Variants in CCDC190 observed in about 807,000 individuals in gnomAD.
CCDC190 encodes coiled-coil domain-containing protein 190.
In CCDC190, 10 loss-of-function variants were observed where a neutral mutation model predicts 13.1. The ratio of observed to expected loss-of-function variants is 0.77; its 90% CI spans 0.47 to 1.30. The LOEUF is 1.30. CCDC190 is among the 50% of genes most tolerant of loss of function. The probability of loss-of-function intolerance (pLI) is 0.00; values close to 1 mark genes in which losing one functional copy is unlikely to be tolerated. For synonymous variants in CCDC190, 136 were observed against 127.2 expected, an observed-to-expected ratio of 1.07 and a Z score of -0.47; for missense variants, 375 against 354.3, an observed-to-expected ratio of 1.06 and a Z score of -0.47.
Position 162,859,476 on chromosome 1 carries a change from CA to C in CCDC190, c.170del (p.Leu57ArgfsTer9), listed in dbSNP as rs2102262069. On this transcript the variant is annotated frameshift_variant, in exon 2 of 4. Coordinates refer to ENST00000367912, the MANE Select transcript of CCDC190 (RefSeq NM_001394065.1). LOFTEE classifies it high-confidence loss of function. Reference sequence around the variant, plus strand: ...AAGTCTTACCTTGCTGCAACCTCTGCAGTTCTTTTTGGAGCTGCCTCTGCTC... The same window carrying C: ...AAGTCTTACCTTGCTGCAACCTCTGCGTTCTTTTTGGAGCTGCCTCTGCTC... ...TWEQRQLQKE[L>X]QRLQQETMKK... 1.9e-6 allele frequency: 3 copies of C among 1,613,366 alleles called. No homozygotes were observed. The South Asian group carries it at 3.3e-5, about 18-fold the overall frequency.
In CCDC190 at chr1:162,854,963, G is replaced by C. The variant is rs201168794; in HGVS notation, c.708C>G (p.Phe236Leu). Residue 236 changes from phenylalanine (F) to leucine (L), a missense_variant, in exon 4 of 4, where the codon TTC (phenylalanine) becomes TTG (leucine). Phe to Leu is a conservative substitution (Grantham distance 22, BLOSUM62 0). Coordinates refer to ENST00000367912, the MANE Select transcript of CCDC190 (RefSeq NM_001394065.1). The stretch of plus-strand genomic sequence containing the variant: ...AGGTTGGCTTTGTGAACTCGCCTTC[G>C]AAGCTTCCTGCACATTCCATGTGTT... ...PPKHMECAGS[F>L]EGEFTKPTFL... is the part of the protein sequence containing the mutation. 1 of 1,613,984 alleles carries C rather than the reference G, an allele frequency of 6.2e-7. No homozygotes were observed. The highest frequency in any genetic ancestry group is 1.1e-5 in the South Asian group (1 of 91,084).
chr1:162,853,013 TTAAG>T lies in CCDC190; in HGVS notation c.*1748_*1751del. Reference sequence around the variant, plus strand: ...CCCAGGCATGGCTGGTGCAAATAAATTAAGTTTTTGTGAATCAATCAGTTCTGTC... The same window carrying T: ...CCCAGGCATGGCTGGTGCAAATAAATTTTTTGTGAATCAATCAGTTCTGTC... On this transcript the variant is annotated 3_prime_UTR_variant, in exon 4 of 4. Coordinates refer to ENST00000367912, the MANE Select transcript of CCDC190 (RefSeq NM_001394065.1). The T allele has an allele frequency of 9.2e-7, 1 of 1,082,860 alleles. No individual in the cohort carries two copies. The highest frequency in any genetic ancestry group is 1.4e-6 in the Non-Finnish European group (1 of 724,804). 67.1% of individuals were successfully genotyped at this position (1,082,860 alleles called of 1,614,324 possible). A position where few individuals can be genotyped will look rare whatever the true frequency, so the allele number is the denominator to read the frequency against.
chr1:162,854,084 C>T lies in CCDC190; in HGVS notation c.*681G>A, dbSNP rs1251409384. On this transcript the variant is annotated 3_prime_UTR_variant, in exon 4 of 4. Transcript: ENST00000367912. The stretch of plus-strand genomic sequence containing the variant: ...AGTGAAATCATTTTGATAGAGTCTG[C>T]TATGCATTTGACAGCATGTTGGGAG... The T allele has an allele frequency of 7.2e-6, 2 of 277,588 alleles. No homozygotes were observed. The highest frequency in any genetic ancestry group is 4.6e-5 in the African/African-American group (2 of 43,572). 17.2% of individuals were successfully genotyped at this position (277,588 alleles called of 1,614,324 possible). A position where few individuals can be genotyped will look rare whatever the true frequency, so the allele number is the denominator to read the frequency against.
chr1:162,852,994 C>T lies in CCDC190; in HGVS notation c.*1771G>A, dbSNP rs1650166127. The T allele has an allele frequency of 6.9e-6, 6 of 870,100 alleles. No individual in the cohort carries two copies. The highest frequency in any genetic ancestry group is 1.7e-5 in the African/African-American group (1 of 59,834). 53.9% of individuals were successfully genotyped at this position (870,100 alleles called of 1,614,324 possible). A position where few individuals can be genotyped will look rare whatever the true frequency, so the allele number is the denominator to read the frequency against. On this transcript the variant is annotated 3_prime_UTR_variant, in exon 4 of 4. Coordinates refer to ENST00000367912, the MANE Select transcript of CCDC190 (RefSeq NM_001394065.1). The stretch of plus-strand genomic sequence containing the variant: ...GTATGCCTATTCATGTTGGCCCAGG[C>T]ATGGCTGGTGCAAATAAATTAAGTT...
Position 162,852,867 on chromosome 1 carries a change from G to A in CCDC190, c.*1898C>T, listed in dbSNP as rs1255895780. On this transcript the variant is annotated 3_prime_UTR_variant, in exon 4 of 4. Coordinates refer to ENST00000367912, the MANE Select transcript of CCDC190 (RefSeq NM_001394065.1). ...CCATTCACTCAGGACTCAGCCTTGA[G>A]GGAGAATTGTGATGACGATAGGCAA... 4.0e-6 allele frequency: 2 copies of A among 505,256 alleles called. No homozygotes were observed. The highest frequency in any genetic ancestry group is 7.1e-6 in the Non-Finnish European group (2 of 280,458). The allele number at this position is 505,256 out of a possible 1,614,324, so 31.3% of individuals were successfully genotyped here.
chr1:162,855,826 C>A, intron 2 of CCDC190, 71 bp from the exon 3 acceptor site: 2 of 1,385,212 alleles, frequency 1.4e-6, no homozygotes, highest in Non-Finnish European at 2.0e-6. Context: ...CAAGTCCTAA[C>A]CCCCAGTACC....
At chr1:162,862,860 G>T (rs530225158), upstream of CCDC190, among the ~76,000 whole-genome samples, 57 of 152,272 alleles carry the variant, frequency 3.7e-4, no homozygotes, top group African/African-American at 1.2e-3. Context: ...AAGAATGATA[G>T]AGCAGATAAT....
intron 3 of CCDC190, 85 bp from the exon 4 acceptor site, chr1:162,855,444 C>G (rs1348015923): frequency 3.4e-6 from 5 of 1,485,158 alleles, no homozygotes; most frequent in Non-Finnish European, 4.5e-6. Context: ...GATGTGGCCC[C>G]CTTCAGTATC....
chr1:162,854,883 G>T lies in CCDC190; in HGVS notation c.788C>A (p.Pro263His). The change falls in exon 4 of 4, where the codon CCC becomes CAC. Residue 263 changes from proline (P) to histidine (H), a missense_variant. Physicochemically the swap from Pro to His is moderately conservative, Grantham distance 77. Transcript: ENST00000367912. Reference sequence around the variant, plus strand: ...GCTAAGCAACCTCTCAGACTCAGGGGGGACCCTGTGCCGGAGATAATGGGC... The same window carrying T: ...GCTAAGCAACCTCTCAGACTCAGGGTGGACCCTGTGCCGGAGATAATGGGC... The part of the protein sequence containing the change: ...RNAHYLRHRV[P>H]PESERLLSIG... 1 of 1,614,038 alleles carries T rather than the reference G, an allele frequency of 6.2e-7. No homozygotes were observed. Among genetic ancestry groups the T allele is most frequent in the Non-Finnish European group, 8.5e-7 (1 of 1,179,896 alleles).
chr1:162,856,486 A>G (rs575293864), intron 2 of CCDC190, among the ~76,000 whole-genome samples: 17 of 152,242 alleles, frequency 1.1e-4, no homozygotes, highest in African/African-American at 4.1e-4. Flanking sequence ...CAATTATGTG[A>G]CCTCCTACCC....
At chr1:162,866,287 C>T (rs1272334747) in intron 1 of CCDC190, among the ~76,000 whole-genome samples, 1 of 151,980 alleles carries the variant, frequency 6.6e-6, no homozygotes. Context: ...ATGGTGAAAC[C>T]CAGTCTCTAC....
In CCDC190 at chr1:162,851,836, A is replaced by G. The variant is rs765533778; in HGVS notation, c.*2929T>C. ...ACCATGTGTTACTAATTTGAATGTTAAAGATTTGTATTTGTAGGGTTGAAA... is the reference window on the plus strand; with the variant it reads ...ACCATGTGTTACTAATTTGAATGTTGAAGATTTGTATTTGTAGGGTTGAAA... On this transcript the variant is annotated 3_prime_UTR_variant, in exon 4 of 4. Coordinates refer to ENST00000367912, the MANE Select transcript of CCDC190 (RefSeq NM_001394065.1). The G allele has an allele frequency of 6.6e-6, 1 of 152,248 alleles. No individual in the cohort carries two copies. Among genetic ancestry groups the G allele is most frequent in the Non-Finnish European group, 1.5e-5 (1 of 68,038 alleles). The allele number at this position is 152,248 out of a possible 1,614,324, so 9.4% of individuals were successfully genotyped here.
chr1:162,856,447 TG>T (rs1454625018), intron 2 of CCDC190, among the ~76,000 whole-genome samples: 26 of 152,348 alleles, frequency 1.7e-4, no homozygotes, highest in African/African-American at 5.5e-4. Flanking sequence ...ACAAAATGAC[TG>T]GGTGTGAGTG....
chr1:162,860,719 G>C lies in CCDC190; in HGVS notation c.-13+289C>G, dbSNP rs1379545220. ...ACTACAGGCCTGCACCACCACGCCTGGCTAACTTTTTATATTTTTAGTTGA... is the reference window on the plus strand; with the variant it reads ...ACTACAGGCCTGCACCACCACGCCTCGCTAACTTTTTATATTTTTAGTTGA... On this transcript the variant is annotated intron_variant, in intron 1 of 3. Coordinates refer to ENST00000367912, the MANE Select transcript of CCDC190 (RefSeq NM_001394065.1). 2.0e-5 allele frequency among the ~76,000 whole-genome samples: 3 copies of C among 151,908 alleles called. No homozygotes were observed. The East Asian group carries it at 5.8e-4, about 29-fold the overall frequency.
At chr1:162,861,933 T>G (rs1293140823), upstream of CCDC190, among the ~76,000 whole-genome samples, 1 of 151,862 alleles carries the variant, frequency 6.6e-6, no homozygotes, top group Non-Finnish European at 1.5e-5. Flanking sequence ...CCACAATCAC[T>G]GCCCAGCAAA....
rs775727372 is a variant in CCDC190, at chr1:162,854,900, A to G, written c.771T>C (p.Tyr257=). Residue 257 remains tyrosine (Y), a synonymous_variant, in exon 4 of 4, where the codon TAT becomes TAC. Transcript: ENST00000367912. ...ELLSKARNAH[Y]LRHRVPPESE... ...ACTCAGGGGGGACCCTGTGCCGGAG[A>G]TAATGGGCATTTCTGGCCTTTGAAA... 4 of 1,614,044 alleles carry G rather than the reference A, an allele frequency of 2.5e-6. No individual in the cohort carries two copies. In the Admixed American group the frequency reaches 6.7e-5, roughly 27 times the overall value.
intron 1 of CCDC190, among the ~76,000 whole-genome samples, chr1:162,868,279 T>G (rs1650775979): frequency 6.6e-6 from 1 of 152,176 alleles, no homozygotes; most frequent in African/African-American, 2.4e-5. Context: ...AAATGAAGAT[T>G]GAATGTATAA....
intron 2 of CCDC190, chr1:162,856,045 G>A: frequency 4.5e-6 from 1 of 223,472 alleles, no homozygotes; most frequent in Non-Finnish European, 8.8e-6. Flanking sequence ...AACAGAGCCT[G>A]CCCTCACAAT....
chr1:162,855,362 G>A lies in CCDC190; in HGVS notation c.312-3C>T. ...GGGCCATACGGGTTGCCAATGCTCT[G>A]AGAAAGGACATAAAAGAAAGATCTC... On this transcript the variant is annotated splice_polypyrimidine_tract_variant and splice_region_variant and intron_variant, in intron 3 of 3. Transcript: ENST00000367912. 1 of 1,588,240 alleles carries A rather than the reference G, an allele frequency of 6.3e-7. No individual in the cohort carries two copies. The highest frequency in any genetic ancestry group is 8.5e-7 in the Non-Finnish European group (1 of 1,172,940).
Sources: allele counts gnomAD v4.1 joint callset (sites outside exome capture counted in the v4.1 genomes callset), GRCh38; gene constraint gnomAD v4.1.1; transcripts MANE v1.5; gene names NCBI Gene and HGNC (gene_info 2026-07-23, HGNC 2026-07-21).